The following NR3C2 variants were observed in gnomAD, a reference collection of about 807,000 sequenced individuals.
NR3C2 encodes the protein mineralocorticoid receptor.
A neutral mutation model predicts 86.4 loss-of-function variants in NR3C2; 15 were observed. That is an observed-to-expected ratio of 0.17 (90% CI 0.12 to 0.27). The LOEUF is 0.27. Among genes scored for constraint, NR3C2 ranks in the 10% least tolerant of loss-of-function variants. The pLI, the probability that NR3C2 is intolerant of heterozygous loss-of-function variation, is 1.00. For missense variants in NR3C2, 960 were observed against 1,195.6 expected (o/e 0.80, Z 2.91); for synonymous variants, 458 against 450.5 (o/e 1.02, Z -0.21).
At chr4:148,178,380 C>T (rs573166364) in intron 4 of NR3C2, among the ~76,000 whole-genome samples, 8 of 151,848 alleles carry the variant, frequency 5.3e-5, no homozygotes, top group African/African-American at 1.7e-4. Context: ...GCTAATATTT[C>T]GCTTTGATAA....
Position 148,307,860 on chromosome 4 carries a change from C to T in NR3C2, c.1758-47743G>A, listed in dbSNP as rs571631391. On this transcript the variant is annotated intron_variant, in intron 2 of 8. Transcript: ENST00000358102. ...CTCTGCATCATTAAAAAAAACAAAA[C>T]AAAACAAAAAAAGGGCACTTGAAGA... Among the ~76,000 whole-genome samples the T allele has an allele frequency of 1.0e-4, 15 of 149,874 alleles. No individual in the cohort carries two copies. The South Asian group carries it at 1.3e-3, about 13-fold the overall frequency.
At chr4:148,089,779 G>A (rs1183192942) in intron 8 of NR3C2, among the ~76,000 whole-genome samples, 1 of 152,216 alleles carries the variant, frequency 6.6e-6, no homozygotes, top group Non-Finnish European at 1.5e-5. Flanking sequence ...CTCCAGATGT[G>A]CCACCATGAG....
chr4:148,142,468 G>T (rs1181428269), intron 6 of NR3C2, among the ~76,000 whole-genome samples: 1 of 152,072 alleles, frequency 6.6e-6, no homozygotes, highest in African/African-American at 2.4e-5. Context: ...CTGGTGGGAG[G>T]TGATTGGATC....
intron 2 of NR3C2, among the ~76,000 whole-genome samples, chr4:148,403,516 T>C (rs61756946): frequency 1.3e-5 from 2 of 152,096 alleles, no homozygotes; most frequent in Non-Finnish European, 2.9e-5. Flanking sequence ...TCTATTTCAA[T>C]GCCTGCCCTC....
intron 2 of NR3C2, among the ~76,000 whole-genome samples, chr4:148,281,693 A>G (rs1189748128): frequency 6.6e-6 from 1 of 152,194 alleles, no homozygotes; most frequent in Admixed American, 6.5e-5. Context: ...TTCATTTTCT[A>G]TACTCATTAT....
intron 6 of NR3C2, among the ~76,000 whole-genome samples, chr4:148,145,338 C>T (rs1357926235): frequency 1.3e-5 from 2 of 152,154 alleles, no homozygotes; most frequent in Non-Finnish European, 2.9e-5. Flanking sequence ...GGACAGCCCA[C>T]CCCAAGGGAA....
intron 2 of NR3C2, among the ~76,000 whole-genome samples, chr4:148,399,683 G>GACACAC (rs3045291): frequency 4.0e-5 from 6 of 150,656 alleles, no homozygotes; most frequent in East Asian, 3.9e-4. Context: ...TATATATACA[G>GACACAC]ACACACACAC....
chr4:148,094,185 A>G (rs754288978), intron 8 of NR3C2, among the ~76,000 whole-genome samples: 2 of 152,238 alleles, frequency 1.3e-5, no homozygotes, highest in Non-Finnish European at 2.9e-5. Flanking sequence ...TTATCAAAAA[A>G]GGGGGAAATA....
At chr4:148,093,173 G>A (rs1168271644) in intron 8 of NR3C2, among the ~76,000 whole-genome samples, 1 of 152,218 alleles carries the variant, frequency 6.6e-6, no homozygotes, top group Non-Finnish European at 1.5e-5. Flanking sequence ...GAGGAGCCTG[G>A]CAAGGTCACA....
At chr4:148,219,095 T>C (rs947572726) in intron 3 of NR3C2, among the ~76,000 whole-genome samples, 1 of 152,198 alleles carries the variant, frequency 6.6e-6, no homozygotes, top group Non-Finnish European at 1.5e-5. Context: ...ATGACGTGTT[T>C]TTCCATAACC....
Position 148,187,025 on chromosome 4 carries a change from TA to T in NR3C2, c.2014+7720del, listed in dbSNP as rs1735952820. Among the ~76,000 whole-genome samples the T allele has an allele frequency of 5.3e-5, 6 of 112,946 alleles. No homozygotes were observed. The Admixed American group carries it at 5.5e-4, about 10-fold the overall frequency. 74.1% of individuals were successfully genotyped at this position (112,946 alleles called of 152,430 possible). ...ATATATATATATATATATATATATA[TA>T]TATATATATATATATATAAAGAAAC... On this transcript the variant is annotated intron_variant, in intron 4 of 8. Coordinates refer to ENST00000358102, the MANE Select transcript of NR3C2 (RefSeq NM_000901.5).
chr4:148,289,039 C>G (rs1303210715), intron 2 of NR3C2, among the ~76,000 whole-genome samples: 1 of 151,994 alleles, frequency 6.6e-6, no homozygotes, highest in African/African-American at 2.4e-5. Context: ...ACATAAAGAC[C>G]AAACAGAATA....
chr4:148,386,457 G>T lies in NR3C2; in HGVS notation c.1757+48647C>A, dbSNP rs1747267253. The stretch of plus-strand genomic sequence containing the variant: ...AAACACTATGATTAACCAACTTCAC[G>T]TGTGGGGATGTCTAAAGAGAGCTGG... On this transcript the variant is annotated intron_variant, in intron 2 of 8. Transcript: ENST00000358102. 1.3e-5 allele frequency among the ~76,000 whole-genome samples: 2 copies of T among 152,166 alleles called. 1 individual carries two copies. The highest frequency in any genetic ancestry group is 4.1e-4 in the South Asian group (2 of 4,836).
chr4:148,228,898 A>G (rs1208352675), intron 3 of NR3C2, among the ~76,000 whole-genome samples: 2 of 152,180 alleles, frequency 1.3e-5, no homozygotes, highest in African/African-American at 4.8e-5. Context: ...CAGGAAAGAA[A>G]GGCAAACTAT....
intron 2 of NR3C2, among the ~76,000 whole-genome samples, chr4:148,354,349 T>C (rs1745445910): frequency 6.6e-6 from 1 of 152,116 alleles, no homozygotes; most frequent in Non-Finnish European, 1.5e-5. Context: ...TCAGTGAGAC[T>C]TCTGGTCAAC....
chr4:148,443,724 G>A (rs527441982), upstream of NR3C2, among the ~76,000 whole-genome samples: 267 of 152,082 alleles, frequency 1.8e-3, 1 homozygote, highest in African/African-American at 6.1e-3. Flanking sequence ...CCCGCAGCCC[G>A]GCGGCGGCAG....
intron 2 of NR3C2, among the ~76,000 whole-genome samples, chr4:148,276,771 C>A (rs540316272): frequency 1.3e-5 from 2 of 152,118 alleles, no homozygotes; most frequent in African/African-American, 4.8e-5. Flanking sequence ...GAGAAAAGTG[C>A]GGTAGCACTT....
intron 3 of NR3C2, among the ~76,000 whole-genome samples, chr4:148,200,297 T>C (rs895146103): frequency 1.1e-4 from 16 of 152,216 alleles, no homozygotes; most frequent in Admixed American, 2.6e-4. Context: ...CCCACCTGAA[T>C]GTCTCTGACA....
At chr4:148,130,472 G>C (rs1366892686) in intron 6 of NR3C2, among the ~76,000 whole-genome samples, 1 of 152,296 alleles carries the variant, frequency 6.6e-6, no homozygotes, top group East Asian at 1.9e-4. Context: ...ACTACAAAAA[G>C]AAGCCTTTGA....
Sources: gnomAD v4.1 joint callset for allele counts (sites outside exome capture counted in the v4.1 genomes callset) on GRCh38, gnomAD v4.1.1 for gene constraint, MANE v1.5 for transcripts, NCBI Gene and HGNC (gene_info 2026-07-23, HGNC 2026-07-21) for gene names.